ENPP5: variants seen among roughly 807,000 people sequenced by gnomAD.
ENPP5 encodes E-NPP 5.
ENPP5 carries 27 observed loss-of-function variants against 33.7 expected under a neutral mutation model. That is an observed-to-expected ratio of 0.80 (90% CI 0.59 to 1.11). ENPP5 has a LOEUF of 1.11. Ranked by LOEUF, ENPP5 falls within the 50% of genes least tolerant of loss-of-function variation. ENPP5 has a pLI of 0.00. For synonymous variants in ENPP5, 199 were observed against 200.5 expected (o/e 0.99, Z 0.06); for missense variants, 552 against 579.2 (o/e 0.95, Z 0.48).
rs765876878 is a variant in ENPP5, at chr6:46,168,167, T to G, written c.96A>C (p.Leu32=). ...CCCAACGGAATCCATCAAAAGAAAC[T>G]AGTAGAACCTTTTGCTGGTCTGGTT... ...SLQPDQQKVL[L]VSFDGFRWDY... Residue 32 remains leucine (L), a synonymous_variant, in exon 3 of 5, where the codon CTA becomes CTC. Coordinates refer to ENST00000371383, the MANE Select transcript of ENPP5 (RefSeq NM_001290072.2). 12 of 1,613,458 alleles carry G rather than the reference T, an allele frequency of 7.4e-6. No homozygotes were observed. In the South Asian group the frequency reaches 9.9e-5, roughly 13 times the overall value.
In ENPP5 at chr6:46,161,694, C is replaced by A; in HGVS notation, c.1066G>T (p.Gly356Cys). 3.1e-6 allele frequency: 5 copies of A among 1,613,690 alleles called. No individual in the cohort carries two copies. The highest frequency in any genetic ancestry group is 4.2e-6 in the Non-Finnish European group (5 of 1,179,924). The change falls in exon 5 of 5, where the codon GGT becomes TGT. Residue 356 changes from glycine to cysteine, a missense_variant. Transcript: ENST00000371383. ...GAGAAATTCTTTCTGAAGGCAGGAC[C>A]ATGGGCTAAAAATATTGGATGCATA... is the stretch of plus-strand genomic sequence containing the variant. ...ADMHPIFLAH[G>C]PAFRKNFSKE...
In ENPP5 at chr6:46,168,006, T is replaced by C; in HGVS notation, c.257A>G (p.Glu86Gly). The change falls in exon 3 of 5, where the codon GAG (glutamate) becomes GGG (glycine). Residue 86 changes from glutamate (E) to glycine (G), a missense_variant. Physicochemically the swap from Glu to Gly is moderately conservative, Grantham distance 98. Coordinates refer to ENST00000371383, the MANE Select transcript of ENPP5 (RefSeq NM_001290072.2). ...HYTLVTGLFA[E>G]NHGIVANDMF... ...ATCATTTGCAACAATCCCATGATTC[T>C]CTGCAAAGAGGCCAGTTACCAAAGT... 6.2e-7 allele frequency: 1 copy of C among 1,614,212 alleles called. No individual in the cohort carries two copies. Among genetic ancestry groups the C allele is most frequent in the Non-Finnish European group, 8.5e-7 (1 of 1,180,028 alleles).
At chr6:46,166,227 C>CCT (rs1164322098) in intron 3 of ENPP5, among the ~76,000 whole-genome samples, 1 of 151,110 alleles carries the variant, frequency 6.6e-6, no homozygotes, top group South Asian at 2.1e-4. Flanking sequence ...TTCCCTCCCT[C>CCT]CTCTCTCTCT....
rs1468581847 is a variant in ENPP5, at chr6:46,161,692, A to T, written c.1068T>A (p.Gly356=). 1.2e-6 allele frequency: 2 copies of T among 1,613,574 alleles called. No homozygotes were observed. Among genetic ancestry groups the T allele is most frequent in the Non-Finnish European group, 1.7e-6 (2 of 1,179,924 alleles). Residue 356 remains glycine (G), a synonymous_variant, in exon 5 of 5, where the codon GGT becomes GGA. Transcript: ENST00000371383. ...ADMHPIFLAH[G]PAFRKNFSKE... ...TTGAGAAATTCTTTCTGAAGGCAGGACCATGGGCTAAAAATATTGGATGCA... is the reference window on the plus strand; with the variant it reads ...TTGAGAAATTCTTTCTGAAGGCAGGTCCATGGGCTAAAAATATTGGATGCA...
Position 46,167,968 on chromosome 6 carries a change from T to C in ENPP5, c.295A>G (p.Ile99Val), listed in dbSNP as rs758062021. ...GIVANDMFDP[I>V]RNKSFSLDHM... ...TCCAAGGAGAAAGATTTGTTCCGAA[T>C]AGGATCAAACATATCATTTGCAACA... Residue 99 changes from isoleucine (I) to valine (V), a missense_variant, in exon 3 of 5, where the codon ATT becomes GTT. Coordinates refer to ENST00000371383, the MANE Select transcript of ENPP5 (RefSeq NM_001290072.2). The C allele has an allele frequency of 1.2e-5, 20 of 1,614,222 alleles. No individual in the cohort carries two copies. Among genetic ancestry groups the C allele is most frequent in the South Asian group, 2.2e-5 (2 of 91,078 alleles).
At chr6:46,167,091 A>T (rs748565718) in intron 3 of ENPP5, among the ~76,000 whole-genome samples, 3 of 152,218 alleles carry the variant, frequency 2.0e-5, no homozygotes, top group Admixed American at 2.0e-4. Flanking sequence ...CTATGAAATA[A>T]CTGTACATGC....
At chr6:46,164,052 T>C (rs1459204002) in intron 4 of ENPP5, among the ~76,000 whole-genome samples, 4 of 152,262 alleles carry the variant, frequency 2.6e-5, no homozygotes, top group Admixed American at 6.5e-5. Context: ...ACTTCATGTC[T>C]AAAACACCAA....
chr6:46,164,041 G>A (rs1764466495), intron 4 of ENPP5, among the ~76,000 whole-genome samples: 1 of 152,126 alleles, frequency 6.6e-6, no homozygotes, highest in African/African-American at 2.4e-5. Flanking sequence ...CATGGACAAG[G>A]ACTTCATGTC....
intron 3 of ENPP5, 76 bp from the exon 4 acceptor site, chr6:46,165,639 C>A: frequency 8.5e-7 from 1 of 1,172,732 alleles, no homozygotes; most frequent in Non-Finnish European, 1.1e-6. Context: ...AGACTTGCTA[C>A]GGAGGTGAAA....
Position 46,168,303 on chromosome 6 carries a change from G to A in ENPP5, c.-35-6C>T, listed in dbSNP as rs768931482. 17 of 1,276,636 alleles carry A rather than the reference G, an allele frequency of 1.3e-5. No individual in the cohort carries two copies. Among genetic ancestry groups the A allele is most frequent in the South Asian group, 1.2e-4 (8 of 66,614 alleles). 79.1% of individuals were successfully genotyped at this position (1,276,636 alleles called of 1,614,324 possible). On this transcript the variant is annotated splice_region_variant and splice_polypyrimidine_tract_variant and intron_variant, in intron 2 of 4. Coordinates refer to ENST00000371383, the MANE Select transcript of ENPP5 (RefSeq NM_001290072.2). ...TCAGTTCAGTGTAAGATAATCTGTA[G>A]AATAAACATATAGAAATTAAAGGCA...
intron 3 of ENPP5, among the ~76,000 whole-genome samples, chr6:46,166,261 CCTCT>C (rs145539887): frequency 2.2e-4 from 32 of 147,698 alleles, no homozygotes; most frequent in Admixed American, 6.1e-4. Flanking sequence ...CTCTTCCCTC[CCTCT>C]CTCTCTCTCT....
intron 4 of ENPP5, 127 bp from the exon 5 acceptor site, chr6:46,161,880 T>C: frequency 1.4e-6 from 1 of 714,202 alleles, no homozygotes; most frequent in South Asian, 1.7e-5. Flanking sequence ...AAAACAATCT[T>C]TGACAAACAA....
Position 46,161,568 on chromosome 6 carries a change from G to T in ENPP5, c.1192C>A (p.Leu398Met). 3.1e-6 allele frequency: 5 copies of T among 1,614,080 alleles called. No homozygotes were observed. Among genetic ancestry groups the T allele is most frequent in the Non-Finnish European group, 4.2e-6 (5 of 1,179,936 alleles). Reference protein sequence around the residue: ...HNGSFWNVQDLLNSAMPRVVP... With the variant: ...HNGSFWNVQDMLNSAMPRVVP... ...ACCCTTGGCATTGCTGAATTGAGCAGATCCTGGACATTCCAGAATGATCCA... is the reference window on the plus strand; with the variant it reads ...ACCCTTGGCATTGCTGAATTGAGCATATCCTGGACATTCCAGAATGATCCA... The change falls in exon 5 of 5, where the codon CTG (leucine) becomes ATG (methionine). Residue 398 changes from leucine to methionine, a missense_variant. Physicochemically the swap from Leu to Met is conservative, Grantham distance 15. Coordinates refer to ENST00000371383, the MANE Select transcript of ENPP5 (RefSeq NM_001290072.2).
chr6:46,167,987 T>G lies in ENPP5; in HGVS notation c.276A>C (p.Ala92=), dbSNP rs768461914. The G allele has an allele frequency of 8.1e-6, 13 of 1,614,130 alleles. No homozygotes were observed. In the African/African-American group the frequency reaches 1.7e-4, roughly 22 times the overall value. The change falls in exon 3 of 5, where the codon GCA becomes GCC. Residue 92 remains alanine, a synonymous_variant. Coordinates refer to ENST00000371383, the MANE Select transcript of ENPP5 (RefSeq NM_001290072.2). ...GLFAENHGIV[A]NDMFDPIRNK... The stretch of plus-strand genomic sequence containing the variant: ...TCCGAATAGGATCAAACATATCATT[T>G]GCAACAATCCCATGATTCTCTGCAA...
At chr6:46,167,177 A>T (rs1219292396) in intron 3 of ENPP5, among the ~76,000 whole-genome samples, 1 of 152,184 alleles carries the variant, frequency 6.6e-6, no homozygotes, top group Non-Finnish European at 1.5e-5. Context: ...TATTCTATGG[A>T]TCCAAAATGG....
chr6:46,163,643 C>T (rs1213352326), intron 4 of ENPP5, among the ~76,000 whole-genome samples: 1 of 151,970 alleles, frequency 6.6e-6, no homozygotes, highest in Non-Finnish European at 1.5e-5. Context: ...AGTTTACAGT[C>T]CCACCAACAG....
At position 46,168,792 on chromosome 6, in the gene ENPP5, C is replaced by A. The variant is rs1300698042; in HGVS notation, c.-35-495G>T. 2.0e-5 allele frequency among the ~76,000 whole-genome samples: 3 copies of A among 151,900 alleles called. No homozygotes were observed. The South Asian group carries it at 6.2e-4, about 32-fold the overall frequency. On this transcript the variant is annotated intron_variant, in intron 2 of 4. Transcript: ENST00000371383. ...TATATATATATGTATATGCACACTTCTATTTTCAACCCCTATGTTTGGTTA... is the reference window on the plus strand; with the variant it reads ...TATATATATATGTATATGCACACTTATATTTTCAACCCCTATGTTTGGTTA...
At chr6:46,164,735 T>TTA (rs2127497545) in intron 4 of ENPP5, among the ~76,000 whole-genome samples, 1 of 151,852 alleles carries the variant, frequency 6.6e-6, no homozygotes, top group Non-Finnish European at 1.5e-5. Context: ...TTTATTTTTT[T>TTA]TTTTTTGCTT....
At position 46,168,159 on chromosome 6, in the gene ENPP5, A is replaced by AAAGAAACTAGTAG. The variant is rs1316196827; in HGVS notation, c.91_103dup (p.Phe35SerfsTer6). On this transcript the variant is annotated frameshift_variant, in exon 3 of 5. Transcript: ENST00000371383. LOFTEE classifies it high-confidence loss of function. ...TAAGTAATCCCAACGGAATCCATCA[A>AAAGAAACTAGTAG]AAGAAACTAGTAGAACCTTTTGCTG... 2.5e-6 allele frequency: 4 copies of AAAGAAACTAGTAG among 1,613,658 alleles called. No individual in the cohort carries two copies. Among genetic ancestry groups the AAAGAAACTAGTAG allele is most frequent in the Non-Finnish European group, 3.4e-6 (4 of 1,179,680 alleles).
Sources: gnomAD v4.1 joint callset for allele counts (sites outside exome capture counted in the v4.1 genomes callset) on GRCh38, gnomAD v4.1.1 for gene constraint, MANE v1.5 for transcripts, NCBI Gene and HGNC (gene_info 2026-07-23, HGNC 2026-07-21) for gene names.